The following MAD1L1 variants were observed in gnomAD, a reference collection of about 807,000 sequenced individuals.
The protein encoded by MAD1L1 is mitotic arrest deficient 1 like 1.
A neutral mutation model predicts 96.9 loss-of-function variants in MAD1L1; 95 were observed. The observed-to-expected ratio is 0.98, with a 90% CI of 0.83 to 1.16. MAD1L1 has a LOEUF of 1.16. Ranked by LOEUF, MAD1L1 falls within the 50% of genes most tolerant of loss-of-function variation. The pLI, the probability that MAD1L1 is intolerant of heterozygous loss-of-function variation, is 0.00. For synonymous variants in MAD1L1, 473 were observed against 396.6 expected (o/e 1.19, Z -2.29); for missense variants, 1,007 against 954.4 (o/e 1.06, Z -0.73).
intron 11 of MAD1L1, among the ~76,000 whole-genome samples, chr7:2,129,649 G>A (rs1024030731): frequency 1.6e-4 from 25 of 152,240 alleles, no homozygotes; most frequent in Admixed American, 5.2e-4. Context: ...TCTCCCTGAC[G>A]AGAGCAAGGT....
chr7:2,211,644 A>C (rs1032468781), intron 10 of MAD1L1, among the ~76,000 whole-genome samples: 16 of 152,232 alleles, frequency 1.1e-4, no homozygotes, highest in African/African-American at 3.4e-4. Flanking sequence ...CAAAGCATTT[A>C]GGCCCCGCTG....
chr7:1,853,308 T>C (rs773910195), intron 18 of MAD1L1, among the ~76,000 whole-genome samples: 44 of 152,278 alleles, frequency 2.9e-4, no homozygotes, highest in Admixed American at 1.4e-3. Flanking sequence ...CGTGTGGAGC[T>C]GACACCTGCC....
chr7:2,058,739 T>C (rs1227215942), intron 12 of MAD1L1, among the ~76,000 whole-genome samples: 5 of 69,764 alleles, frequency 7.2e-5, no homozygotes, highest in African/African-American at 1.1e-4. Context: ...GGAGAGGGAG[T>C]GTGGCTAGAG....
chr7:1,946,292 T>C (rs1779225771), intron 16 of MAD1L1, among the ~76,000 whole-genome samples: 2 of 152,076 alleles, frequency 1.3e-5, no homozygotes, highest in Admixed American at 1.3e-4. Context: ...CCCGGCCCCG[T>C]GCACCCCACC....
chr7:2,222,876 G>A (rs1793685954), intron 4 of MAD1L1, 122 bp from the exon 5 acceptor site: 2 of 791,918 alleles, frequency 2.5e-6, no homozygotes, highest in Non-Finnish European at 3.9e-6. Flanking sequence ...CAGGACCCAT[G>A]AGCCAAGTCA....
At chr7:2,014,293 C>T (rs1431431102) in intron 13 of MAD1L1, among the ~76,000 whole-genome samples, 2 of 152,158 alleles carry the variant, frequency 1.3e-5, no homozygotes, top group African/African-American at 4.8e-5. Flanking sequence ...ACCCTGACAG[C>T]GGAGGATGCT....
At chr7:1,845,981 CAGTT>C (rs1227517508) in intron 18 of MAD1L1, 1 of 152,880 alleles carries the variant, frequency 6.5e-6, no homozygotes, top group Non-Finnish European at 1.5e-5. Context: ...CCAAGAGACT[CAGTT>C]GGTGCCAGGA....
intron 13 of MAD1L1, among the ~76,000 whole-genome samples, chr7:2,004,018 C>T (rs1220670273): frequency 6.6e-6 from 1 of 152,164 alleles, no homozygotes. Context: ...TGGGCACTCC[C>T]GGGGGCACAG....
chr7:2,076,362 G>A (rs771704722), intron 11 of MAD1L1, among the ~76,000 whole-genome samples: 5 of 152,338 alleles, frequency 3.3e-5, no homozygotes, highest in African/African-American at 4.8e-5. Context: ...CACAAAGCTC[G>A]AGTCCTCTCC....
intron 12 of MAD1L1, among the ~76,000 whole-genome samples, chr7:2,065,274 C>G (rs1584236600): frequency 6.6e-6 from 1 of 152,200 alleles, no homozygotes; most frequent in East Asian, 1.9e-4. Flanking sequence ...GCCTAAACTG[C>G]ACCCAGCGAA....
chr7:2,164,959 G>T (rs1169722836), intron 10 of MAD1L1, among the ~76,000 whole-genome samples: 1 of 152,164 alleles, frequency 6.6e-6, no homozygotes, highest in Non-Finnish European at 1.5e-5. Flanking sequence ...GAGGGAAGGG[G>T]GCATGTTGAC....
chr7:1,861,845 C>T (rs1170781074), intron 18 of MAD1L1, among the ~76,000 whole-genome samples: 4 of 106,348 alleles, frequency 3.8e-5, no homozygotes, highest in Non-Finnish European at 7.8e-5. Context: ...CTCCGCCTGC[C>T]CCCTGGTTGG....
At chr7:1,999,926 G>T (rs1014847863) in intron 14 of MAD1L1, among the ~76,000 whole-genome samples, 1 of 152,160 alleles carries the variant, frequency 6.6e-6, no homozygotes, top group African/African-American at 2.4e-5. Context: ...CCTCCACGGA[G>T]TACCCCAACT....
At chr7:1,989,047 C>T (rs533348916) in intron 14 of MAD1L1, among the ~76,000 whole-genome samples, 24 of 152,352 alleles carry the variant, frequency 1.6e-4, no homozygotes, top group African/African-American at 5.8e-4. Flanking sequence ...AGACTTACCA[C>T]TAACCAACAA....
At chr7:2,076,164 C>A (rs116205102) in intron 11 of MAD1L1, among the ~76,000 whole-genome samples, 7,317 of 152,278 alleles carry the variant, frequency 0.048, 600 homozygotes, top group African/African-American at 0.17. Context: ...GAAGACGCCT[C>A]CACAGCCACG....
intron 18 of MAD1L1, among the ~76,000 whole-genome samples, chr7:1,885,183 C>T (rs1249442797): frequency 2.0e-5 from 3 of 152,152 alleles, no homozygotes; most frequent in Non-Finnish European, 2.9e-5. Flanking sequence ...GAGATGGCTC[C>T]GGGCTCCTGC....
At chr7:1,852,893 C>T (rs56256289) in intron 18 of MAD1L1, among the ~76,000 whole-genome samples, 26,050 of 152,176 alleles carry the variant, frequency 0.17, 2,646 homozygotes, top group South Asian at 0.29. Context: ...CCTCCGAGGA[C>T]GGGCCGCTGT....
At chr7:2,222,854 A>C in intron 4 of MAD1L1, 100 bp from the exon 5 acceptor site, 1 of 1,021,444 alleles carries the variant, frequency 9.8e-7, no homozygotes, top group Non-Finnish European at 1.4e-6. Context: ...CGAGGCACAA[A>C]AAAGAGCCGA....
intron 17 of MAD1L1, among the ~76,000 whole-genome samples, chr7:1,900,271 G>A (rs1787163151): frequency 6.6e-6 from 1 of 152,278 alleles, no homozygotes; most frequent in South Asian, 2.1e-4. Flanking sequence ...GGTTCTGGAA[G>A]GAGCAGCGGT....
Sources: gnomAD v4.1 joint callset for allele counts (sites outside exome capture counted in the v4.1 genomes callset) on GRCh38, gnomAD v4.1.1 for gene constraint, MANE v1.5 for transcripts, NCBI Gene and HGNC (gene_info 2026-07-23, HGNC 2026-07-21) for gene names.